Variants in EXD1 observed in about 807,000 individuals in gnomAD.
The protein encoded by EXD1 is piRNA biogenesis protein EXD1.
A neutral mutation model predicts 49.1 loss-of-function variants in EXD1; 63 were observed. The observed-to-expected ratio is 1.28, with a 90% confidence interval of 1.05 to 1.58. The LOEUF is 1.58. EXD1 is among the 40% of genes most tolerant of loss of function. The pLI is 0.00. For missense variants in EXD1, 748 were observed against 666.0 expected (o/e 1.12, Z -1.36); for synonymous variants, 234 against 239.2 (o/e 0.98, Z 0.20).
chr15:41,195,173 G>C (rs1030603047), intron 9 of EXD1, among the ~76,000 whole-genome samples: 4 of 152,138 alleles, frequency 2.6e-5, no homozygotes, highest in African/African-American at 9.7e-5. Flanking sequence ...GATGGCTTGA[G>C]AGTAAGGGCT....
intron 7 of EXD1, among the ~76,000 whole-genome samples, chr15:41,199,478 G>A (rs953964547): frequency 6.7e-6 from 1 of 149,070 alleles, no homozygotes; most frequent in South Asian, 2.1e-4. Flanking sequence ...AGCTGAGCAG[G>A]TTCCTGGAGG....
intron 9 of EXD1, among the ~76,000 whole-genome samples, chr15:41,192,672 C>T (rs570382118): frequency 7.3e-6 from 1 of 137,700 alleles, no homozygotes; most frequent in Non-Finnish European, 1.5e-5. Flanking sequence ...TGGAGTACAA[C>T]GCCACAATCA....
At chr15:41,187,837 G>C (rs1429447672) in intron 11 of EXD1, among the ~76,000 whole-genome samples, 1 of 152,030 alleles carries the variant, frequency 6.6e-6, no homozygotes, top group Non-Finnish European at 1.5e-5. Flanking sequence ...CCAACATGGA[G>C]TAACCCCGTC....
At position 41,216,775 on chromosome 15, in the gene EXD1, C is replaced by T. The variant is rs866117916; in HGVS notation, c.281G>A (p.Trp94Ter). ...GTCTTCAACTTTCATTTTCTCCATC[C>T]AGGTTCTTTCTGCATGTAGACTATC... Reference protein sequence around the residue: ...SSVSLHAERTWMEKMKVEDLN... With the variant: ...SSVSLHAERT The change falls in exon 5 of 12, where the codon TGG becomes TAG. Residue 94 changes from tryptophan to a stop codon, truncating the protein, a stop_gained. Coordinates refer to ENST00000458580, the MANE Select transcript of EXD1 (RefSeq NM_001286441.2). LOFTEE classifies it high-confidence loss of function. 1 of 1,613,770 alleles carries T rather than the reference C, an allele frequency of 6.2e-7. No individual in the cohort carries two copies.
Position 41,184,235 on chromosome 15 carries a change from G to C in EXD1, c.1415C>G (p.Thr472Arg). Reference sequence around the variant, plus strand: ...CTGGTCCTCTGACCCCTTTGACTTTGTGCAAATGAGTTTGTTACTGGAATC... The same window carrying C: ...CTGGTCCTCTGACCCCTTTGACTTTCTGCAAATGAGTTTGTTACTGGAATC... The part of the protein sequence containing the change: ...SEDSSNKLIC[T>R]KSKGSEDQRI... Residue 472 changes from threonine to arginine, a missense_variant, in exon 12 of 12, where the codon ACA becomes AGA. Coordinates refer to ENST00000458580, the MANE Select transcript of EXD1 (RefSeq NM_001286441.2). The C allele has an allele frequency of 1.9e-6, 3 of 1,614,158 alleles. No homozygotes were observed. Among genetic ancestry groups the C allele is most frequent in the Non-Finnish European group, 2.5e-6 (3 of 1,180,024 alleles).
At chr15:41,191,727 G>T in intron 9 of EXD1, 142 bp from the exon 10 acceptor site, 2 of 750,362 alleles carry the variant, frequency 2.7e-6, no homozygotes, top group Non-Finnish European at 4.0e-6. Context: ...AAAATTTAAA[G>T]TTGTTCAGCC....
At chr15:41,211,885 T>A (rs2046926515) in intron 6 of EXD1, among the ~76,000 whole-genome samples, 1 of 150,894 alleles carries the variant, frequency 6.6e-6, no homozygotes, top group Non-Finnish European at 1.5e-5. Flanking sequence ...TTGCTAGAGA[T>A]CCTAGGAGGT....
At chr15:41,190,681 C>T (rs1263533050) in intron 10 of EXD1, among the ~76,000 whole-genome samples, 1 of 152,120 alleles carries the variant, frequency 6.6e-6, no homozygotes, top group Non-Finnish European at 1.5e-5. Flanking sequence ...ATCAAGACTT[C>T]TCAAAGCTAG....
intron 7 of EXD1, among the ~76,000 whole-genome samples, chr15:41,197,229 C>CTT (rs976999245): frequency 6.0e-5 from 8 of 133,172 alleles, no homozygotes; most frequent in African/African-American, 8.2e-5. Flanking sequence ...TTTCTTTTTT[C>CTT]TTTTTTTTTT....
intron 3 of EXD1, 145 bp from the exon 4 acceptor site, chr15:41,217,299 A>C (rs1009527713): frequency 3.1e-6 from 2 of 647,326 alleles, no homozygotes; most frequent in South Asian, 2.0e-5. Context: ...TTTACTGGCC[A>C]GCAATAAATA....
intron 6 of EXD1, among the ~76,000 whole-genome samples, chr15:41,215,106 G>A (rs1360421391): frequency 1.3e-5 from 2 of 152,124 alleles, no homozygotes; most frequent in African/African-American, 4.8e-5. Flanking sequence ...TTGTTCTAAT[G>A]TCACCTCCCT....
In EXD1 at chr15:41,183,980, G is replaced by C. The variant is rs761206209; in HGVS notation, c.1670C>G (p.Ala557Gly). ...TVVSTLPPCP[A>G]LEKIDSWISP... is the part of the protein sequence containing the mutation. ...TATCCAGGAATCGATCTTCTCCAAG[G>C]CTGGACAGGGAGGGAGTGTGGAAAC... is the stretch of plus-strand genomic sequence containing the variant. Residue 557 changes from alanine (A) to glycine (G), a missense_variant, in exon 12 of 12, where the codon GCC becomes GGC. By Grantham distance (60) the Ala-to-Gly change is moderately conservative. Coordinates refer to ENST00000458580, the MANE Select transcript of EXD1 (RefSeq NM_001286441.2). 4.3e-6 allele frequency: 7 copies of C among 1,612,666 alleles called. No homozygotes were observed. Among genetic ancestry groups the C allele is most frequent in the African/African-American group, 2.7e-5 (2 of 74,882 alleles).
At chr15:41,198,171 GT>G (rs747824515) in intron 7 of EXD1, among the ~76,000 whole-genome samples, 1 of 152,152 alleles carries the variant, frequency 6.6e-6, no homozygotes, top group Non-Finnish European at 1.5e-5. Context: ...TGATAAGAGT[GT>G]TTTTTGTGTA....
chr15:41,192,827 G>C (rs2046548295), intron 9 of EXD1, among the ~76,000 whole-genome samples: 1 of 120,666 alleles, frequency 8.3e-6, no homozygotes, highest in Non-Finnish European at 1.6e-5. Context: ...ACGGAGTCTC[G>C]TTCTGTCGCC....
intron 2 of EXD1, among the ~76,000 whole-genome samples, chr15:41,224,560 T>C (rs752474579): frequency 1.3e-5 from 2 of 151,996 alleles, no homozygotes; most frequent in Non-Finnish European, 2.9e-5. Context: ...AAAGATGACA[T>C]GGAAATTCTG....
chr15:41,186,921 C>T lies in EXD1; in HGVS notation c.1057-2328G>A, dbSNP rs1405250104. On this transcript the variant is annotated intron_variant, in intron 11 of 11. Transcript: ENST00000458580. ...TTTTTTTTTTTTTGAGATGGAGTTTCGAGCCCAGGCTGGAGTGCAATGGCG... is the reference window on the plus strand; with the variant it reads ...TTTTTTTTTTTTTGAGATGGAGTTTTGAGCCCAGGCTGGAGTGCAATGGCG... 6.2e-5 allele frequency among the ~76,000 whole-genome samples: 8 copies of T among 129,036 alleles called. No homozygotes were observed. The East Asian group carries it at 1.1e-3, about 18-fold the overall frequency. 84.7% of individuals were successfully genotyped at this position (129,036 alleles called of 152,430 possible).
rs2046364301 is a variant in EXD1 at position 41,184,065 on chromosome 15, A to G, written c.1585T>C (p.Phe529Leu). The G allele has an allele frequency of 6.2e-7, 1 of 1,614,124 alleles. No individual in the cohort carries two copies. Among genetic ancestry groups the G allele is most frequent in the African/African-American group, 1.3e-5 (1 of 74,942 alleles). The change falls in exon 12 of 12, where the codon TTT (phenylalanine) becomes CTT (leucine). Residue 529 changes from phenylalanine to leucine, a missense_variant. Transcript: ENST00000458580. ...GGAGACACTCTGGTTTCCTGAGGAA[A>G]GGAAGACATTGAAACAGCCTGTTTT... ...CTKQAVSMSS[F>L]PQETRVSPSD...
chr15:41,184,267 G>A lies in EXD1; in HGVS notation c.1383C>T (p.Thr461=), dbSNP rs690733. 0.44 allele frequency: 714,903 copies of A among 1,613,850 alleles called. 164,186 individuals carry two copies. Among genetic ancestry groups the A allele is most frequent in the African/African-American group, 0.76 (57,312 of 74,960 alleles). ...QHLPPTEEGE[T]SEDSSNKLIC... Reference sequence around the variant, plus strand: ...TGAGTTTGTTACTGGAATCCTCACTGGTTTCCCCTTCCTCTGTGGGAGGTA... The same window carrying A: ...TGAGTTTGTTACTGGAATCCTCACTAGTTTCCCCTTCCTCTGTGGGAGGTA... Residue 461 remains threonine (T), a synonymous_variant, in exon 12 of 12, where the codon ACC becomes ACT. Coordinates refer to ENST00000458580, the MANE Select transcript of EXD1 (RefSeq NM_001286441.2).
chr15:41,187,108 T>C (rs2140799409), intron 11 of EXD1, among the ~76,000 whole-genome samples: 1 of 152,032 alleles, frequency 6.6e-6, no homozygotes, highest in East Asian at 1.9e-4. Context: ...GGTATCAAAC[T>C]CCTGACCTCA....
Sources: gnomAD v4.1 joint callset for allele counts (sites outside exome capture counted in the v4.1 genomes callset) on GRCh38, gnomAD v4.1.1 for gene constraint, MANE v1.5 for transcripts, NCBI Gene and HGNC (gene_info 2026-07-23, HGNC 2026-07-21) for gene names.